Variants in PSME4 observed in about 807,000 individuals in gnomAD.
PSME4 encodes the protein proteasome activator subunit 4.
A neutral mutation model predicts 253.9 loss-of-function variants in PSME4; 89 were observed. That is an observed-to-expected ratio of 0.35 (90% CI 0.30 to 0.42). The LOEUF (loss-of-function observed/expected upper bound fraction) is 0.42, where lower values mean the gene tolerates loss of function less well. Among genes scored for constraint, PSME4 ranks in the 10% least tolerant of loss-of-function variants. The probability of loss-of-function intolerance (pLI) is 1.00; values close to 1 mark genes in which losing one functional copy is unlikely to be tolerated. For synonymous variants in PSME4, 851 were observed against 759.2 expected, an observed-to-expected ratio of 1.12 and a Z score of -1.99; for missense variants, 2,014 against 2,195.2, an observed-to-expected ratio of 0.92 and a Z score of 1.65.
rs6730734 is a variant in PSME4 at position 53,962,150 on chromosome 2, C to T, written c.242+8393G>A. On this transcript the variant is annotated intron_variant, in intron 1 of 46. Coordinates refer to ENST00000404125, the MANE Select transcript of PSME4 (RefSeq NM_014614.3). ...AGAACATAAAGTACATTGATTTCTTCATTATGGCTAGCAGATATTTAAGAA... is the reference window on the plus strand; with the variant it reads ...AGAACATAAAGTACATTGATTTCTTTATTATGGCTAGCAGATATTTAAGAA... Among the ~76,000 whole-genome samples, 999 of 152,236 alleles carry T rather than the reference C, an allele frequency of 6.6e-3. 9 individuals are homozygous for T. Among genetic ancestry groups the T allele is most frequent in the African/African-American group, 0.021 (887 of 41,530 alleles).
chr2:53,927,696 C>G (rs756577122), intron 11 of PSME4, among the ~76,000 whole-genome samples: 28 of 152,156 alleles, frequency 1.8e-4, no homozygotes, highest in Non-Finnish European at 3.8e-4. Context: ...CCTGTAATCC[C>G]AACACTTTGG....
At chr2:53,966,703 GT>G (rs140985921) in intron 1 of PSME4, among the ~76,000 whole-genome samples, 57 of 152,162 alleles carry the variant, frequency 3.7e-4, no homozygotes, top group African/African-American at 1.3e-3. Flanking sequence ...GTTTTTTGGG[GT>G]TTTTTTCTTT....
chr2:53,968,589 G>T (rs745633012), intron 1 of PSME4, among the ~76,000 whole-genome samples: 6 of 152,130 alleles, frequency 3.9e-5, no homozygotes, highest in Non-Finnish European at 7.4e-5. Context: ...ATGTCCCACC[G>T]CATTCAAAAT....
rs749986826 is a variant in PSME4 at position 53,896,838 on chromosome 2, G to T, written c.3654C>A (p.Thr1218=). The T allele has an allele frequency of 1.9e-6, 3 of 1,611,998 alleles. No homozygotes were observed. In the South Asian group the frequency reaches 3.3e-5, roughly 18 times the overall value. Residue 1218 remains threonine (T), a synonymous_variant, in exon 32 of 47, where the codon ACC becomes ACA. Transcript: ENST00000404125. Reference sequence around the variant, plus strand: ...AGGGGTTAATGGTCAGCTTTTTGTGGGTTCTTTTTAGCTGTTTAAGGATAC... The same window carrying T: ...AGGGGTTAATGGTCAGCTTTTTGTGTGTTCTTTTTAGCTGTTTAAGGATAC... ...VAGILKQLKR[T]HKKLTINPCE...
intron 1 of PSME4, among the ~76,000 whole-genome samples, chr2:53,955,808 G>T (rs1168490064): frequency 6.6e-6 from 1 of 151,876 alleles, no homozygotes; most frequent in African/African-American, 2.4e-5. Context: ...TGTAGTCCCA[G>T]TAACTCAGGA....
chr2:53,923,392 A>T lies in PSME4; in HGVS notation c.1837T>A (p.Ser613Thr), dbSNP rs1483189830. The part of the protein sequence containing the change: ...MVALQKVFNF[S>T]TSHIFETRVA... ...CTTGTTTCAAATATATGTGAAGTAG[A>T]AAAATTAAAAACCTTCTGAAGGGCC... Residue 613 changes from serine to threonine, a missense_variant, in exon 15 of 47, where the codon TCT becomes ACT. By Grantham distance (58) the Ser-to-Thr change is moderately conservative. Around this residue, in one of 4 missense-constraint regions of PSME4, gnomAD observed 989 missense variants for 1,021.1 expected, o/e 0.97. Coordinates refer to ENST00000404125, the MANE Select transcript of PSME4 (RefSeq NM_014614.3). 6.2e-7 allele frequency: 1 copy of T among 1,609,216 alleles called. No individual in the cohort carries two copies. Among genetic ancestry groups the T allele is most frequent in the Non-Finnish European group, 8.5e-7 (1 of 1,178,634 alleles).
chr2:53,868,360 G>A (rs1454058584), intron 44 of PSME4, among the ~76,000 whole-genome samples: 2 of 150,938 alleles, frequency 1.3e-5, no homozygotes, highest in African/African-American at 4.9e-5. Context: ...ACAGGGGCAT[G>A]AGAATCGCCT....
chr2:53,915,277 C>T (rs1553412528), intron 20 of PSME4, among the ~76,000 whole-genome samples: 1 of 152,060 alleles, frequency 6.6e-6, no homozygotes, highest in Non-Finnish European at 1.5e-5. Flanking sequence ...CCTATCTCCA[C>T]AAAAAATACA....
At chr2:53,932,522 G>GT (rs766101873) in intron 9 of PSME4, 146 bp downstream of exon 9, 60 of 675,910 alleles carry the variant, frequency 8.9e-5, no homozygotes, top group Non-Finnish European at 1.5e-4. Flanking sequence ...CTCCCACACA[G>GT]TAATTTAATT....
At chr2:53,955,670 C>G (rs1402500960) in intron 1 of PSME4, among the ~76,000 whole-genome samples, 1 of 152,114 alleles carries the variant, frequency 6.6e-6, no homozygotes, top group East Asian at 1.9e-4. Context: ...GTCTGCAATC[C>G]AAGCACTTTC....
At chr2:53,871,697 C>G (rs1422952457) in intron 43 of PSME4, among the ~76,000 whole-genome samples, 1 of 152,154 alleles carries the variant, frequency 6.6e-6, no homozygotes, top group Non-Finnish European at 1.5e-5. Flanking sequence ...AATCCACTTT[C>G]TCCTAATTTA....
At chr2:53,942,151 T>C (rs1197110592) in intron 3 of PSME4, 2 of 152,580 alleles carry the variant, frequency 1.3e-5, no homozygotes, top group African/African-American at 4.8e-5. Flanking sequence ...GGGTACAATC[T>C]CTCTAACCTG....
At chr2:53,937,085 A>C (rs1048325139) in intron 5 of PSME4, among the ~76,000 whole-genome samples, 15 of 152,112 alleles carry the variant, frequency 9.9e-5, no homozygotes, top group African/African-American at 3.6e-4. Context: ...TTATTTAACA[A>C]TTGTTTTCAA....
At chr2:53,956,706 G>A (rs2104483525) in intron 1 of PSME4, among the ~76,000 whole-genome samples, 1 of 151,558 alleles carries the variant, frequency 6.6e-6, no homozygotes, top group South Asian at 2.1e-4. Context: ...CCAAGTAGCT[G>A]GAATTACAGG....
chr2:53,935,618 G>T (rs1296376510), intron 7 of PSME4, among the ~76,000 whole-genome samples: 2 of 152,162 alleles, frequency 1.3e-5, no homozygotes, highest in Admixed American at 1.3e-4. Context: ...CCATTGGAAG[G>T]TACAAATGTA....
chr2:53,943,364 C>G (rs1206044866), intron 3 of PSME4, among the ~76,000 whole-genome samples: 1 of 152,194 alleles, frequency 6.6e-6, no homozygotes, highest in Non-Finnish European at 1.5e-5. Context: ...GGCACTTCAT[C>G]TAGAAGTCAG....
chr2:53,961,647 C>A (rs566107421), intron 1 of PSME4, among the ~76,000 whole-genome samples: 2 of 152,226 alleles, frequency 1.3e-5, no homozygotes, highest in East Asian at 3.9e-4. Flanking sequence ...CACTGCACTC[C>A]AACCTGGGCG....
rs1558413905 is a variant in PSME4, at chr2:53,940,964, T to TAATAC, written c.501-965_501-964insGTATT. ...AAATATATATATACATATATATATA[T>TAATAC]ATATATATATATATATATATATATA... On this transcript the variant is annotated intron_variant, in intron 3 of 46. Transcript: ENST00000404125. Among the ~76,000 whole-genome samples, 30 of 46,320 alleles carry TAATAC rather than the reference T, an allele frequency of 6.5e-4. 1 individual carries two copies. Among genetic ancestry groups the TAATAC allele is most frequent in the African/African-American group, 1.6e-3 (28 of 17,038 alleles). 30.4% of individuals were successfully genotyped at this position (46,320 alleles called of 152,430 possible).
At chr2:53,949,342 A>G (rs1441341861) in intron 1 of PSME4, 59 bp from the exon 2 acceptor site, 4 of 1,136,278 alleles carry the variant, frequency 3.5e-6, no homozygotes, top group Non-Finnish European at 4.8e-6. Flanking sequence ...ATCCATGTTC[A>G]ATGCAGCATT....
Sources: allele counts gnomAD v4.1 joint callset (sites outside exome capture counted in the v4.1 genomes callset), GRCh38; gene constraint gnomAD v4.1.1; regional missense constraint gnomAD v4.1.1; transcripts MANE v1.5; gene names NCBI Gene and HGNC (gene_info 2026-07-23, HGNC 2026-07-21).